The following ALDH16A1 variants were observed in gnomAD, a reference collection of about 807,000 sequenced individuals.
The protein encoded by ALDH16A1 is aldehyde dehydrogenase 16 family member A1.
A neutral mutation model predicts 96.1 loss-of-function variants in ALDH16A1; 88 were observed. The ratio of observed to expected loss-of-function variants is 0.92; its 90% CI spans 0.77 to 1.09. The LOEUF is 1.09. Ranked by LOEUF, ALDH16A1 falls within the 50% of genes least tolerant of loss-of-function variation. ALDH16A1 has a pLI of 0.00. For synonymous variants in ALDH16A1, 522 were observed against 496.4 expected (o/e 1.05, Z -0.69); for missense variants, 1,250 against 1,112.6 (o/e 1.12, Z -1.76).
At chr19:49,460,778 C>T (rs746020604) in intron 4 of ALDH16A1, 44 bp from the exon 5 acceptor site, 2 of 1,386,414 alleles carry the variant, frequency 1.4e-6, no homozygotes, top group Non-Finnish European at 2.0e-6. Context: ...TGGACTTAAA[C>T]ACCTAGCCTC....
In ALDH16A1 at chr19:49,462,018, C is replaced by A. The variant is rs1316844230; in HGVS notation, c.894C>A (p.Ala298=). ...DSAVEGVVDA[A]WSDRGPGGLR... is the part of the protein sequence containing the mutation. ...CCGTGGAGGGTGTCGTGGACGCCGC[C>A]TGGTCCGACCGCGGCCCGGTGAGAC... Residue 298 remains alanine (A), a synonymous_variant, in exon 7 of 17, where the codon GCC becomes GCA. Transcript: ENST00000293350. 9 of 1,542,490 alleles carry A rather than the reference C, an allele frequency of 5.8e-6. No homozygotes were observed. Among genetic ancestry groups the A allele is most frequent in the Non-Finnish European group, 7.0e-6 (8 of 1,148,258 alleles).
At chr19:49,460,339 A>C (rs2079131200) in intron 4 of ALDH16A1, among the ~76,000 whole-genome samples, 1 of 151,770 alleles carries the variant, frequency 6.6e-6, no homozygotes, top group African/African-American at 2.4e-5. Context: ...TCCTGGGCTC[A>C]AAATCCTCCC....
chr19:49,457,305 T>C (rs1174978371), intron 1 of ALDH16A1, among the ~76,000 whole-genome samples: 1 of 151,854 alleles, frequency 6.6e-6, no homozygotes, highest in Non-Finnish European at 1.5e-5. Flanking sequence ...CTCAGCACTT[T>C]GGGAGGCCGA....
chr19:49,457,319 G>A (rs1227480999), intron 1 of ALDH16A1, among the ~76,000 whole-genome samples: 4 of 151,852 alleles, frequency 2.6e-5, no homozygotes, highest in Non-Finnish European at 4.4e-5. Flanking sequence ...AGGCCGAGGC[G>A]GGCGGATCAC....
intron 13 of ALDH16A1, 50 bp from the exon 14 acceptor site, chr19:49,466,032 G>A (rs770148509): frequency 6.5e-7 from 1 of 1,537,732 alleles, no homozygotes; most frequent in Non-Finnish European, 8.7e-7. Flanking sequence ...GGGGTGTCAG[G>A]AGAGCCAAGA....
chr19:49,470,436 C>A lies in ALDH16A1; in HGVS notation c.2378C>A (p.Thr793Asn). The change falls in exon 17 of 17, where the codon ACC becomes AAC. Residue 793 changes from threonine (T) to asparagine (N), a missense_variant. By Grantham distance (65) the Thr-to-Asn change is moderately conservative (BLOSUM62 0). Transcript: ENST00000293350. ...GAGCTGGGGCTGCGAGTGGCGCGGA[C>A]CAAGGCCCTGTGGCTGCCTATGGGG... is the stretch of plus-strand genomic sequence containing the variant. The part of the protein sequence containing the change: ...GPELGLRVAR[T>N]KALWLPMGD The A allele has an allele frequency of 6.2e-7, 1 of 1,603,258 alleles. No homozygotes were observed. The highest frequency in any genetic ancestry group is 1.1e-5 in the South Asian group (1 of 90,244).
rs370048585 is a variant in ALDH16A1, at chr19:49,461,199, C to G, written c.577+300C>G. 1.4e-3 allele frequency among the ~76,000 whole-genome samples: 155 copies of G among 110,464 alleles called. 25 individuals carry two copies. Among genetic ancestry groups the G allele is most frequent in the East Asian group, 3.3e-3 (12 of 3,646 alleles). The allele number at this position is 110,464 out of a possible 152,430, so 72.5% of individuals were successfully genotyped here. A position where few individuals can be genotyped will look rare whatever the true frequency, so the allele number is the denominator to read the frequency against. On this transcript the variant is annotated intron_variant, in intron 5 of 16. Coordinates refer to ENST00000293350, the MANE Select transcript of ALDH16A1 (RefSeq NM_153329.4). ...GGGGCTGGGGTCTGGATTCCTGGGT[C>G]TGAGGGAGGAGGGGCTGGGGTCTGG...
Position 49,460,899 on chromosome 19 carries a change from G to A in ALDH16A1, c.577G>A (p.Gly193Ser), listed in dbSNP as rs1490480588. Residue 193 changes from glycine to serine, a missense_variant and splice_region_variant, in exon 5 of 17, where the codon GGC (glycine) becomes AGC (serine). By Grantham distance (56) the Gly-to-Ser change is moderately conservative. Coordinates refer to ENST00000293350, the MANE Select transcript of ALDH16A1 (RefSeq NM_153329.4). ...GAGGATTTGCCCTGCCCTGGCTGTGGGTAAATGATGGCCTGGGGGGTCCTG... is the reference window on the plus strand; with the variant it reads ...GAGGATTTGCCCTGCCCTGGCTGTGAGTAAATGATGGCCTGGGGGGTCCTG... ...MWRICPALAV[G>S]CTVVALVPPA... is the part of the protein sequence containing the mutation. The A allele has an allele frequency of 1.9e-6, 3 of 1,612,936 alleles. No homozygotes were observed. Among genetic ancestry groups the A allele is most frequent in the South Asian group, 2.2e-5 (2 of 91,042 alleles).
At chr19:49,461,025 A>G in intron 5 of ALDH16A1, 126 bp downstream of exon 5, 1 of 1,046,138 alleles carries the variant, frequency 9.6e-7, no homozygotes, top group Non-Finnish European at 1.5e-6. Flanking sequence ...AGTCTGTGGG[A>G]GGAGGGGCTG....
chr19:49,462,584 C>T lies in ALDH16A1; in HGVS notation c.927C>T (p.Leu309=), dbSNP rs1197999418. 4 of 1,612,954 alleles carry T rather than the reference C, an allele frequency of 2.5e-6. No individual in the cohort carries two copies. Among genetic ancestry groups the T allele is most frequent in the African/African-American group, 1.3e-5 (1 of 75,018 alleles). Reference sequence around the variant, plus strand: ...TTTCCTCACAGGGTGGCCTCAGGCTCCTCATCCAGGAGTCTGTGTGGGATG... The same window carrying T: ...TTTCCTCACAGGGTGGCCTCAGGCTTCTCATCCAGGAGTCTGTGTGGGATG... ...WSDRGPGGLR[L]LIQESVWDEA... Residue 309 remains leucine, a synonymous_variant, in exon 8 of 17, where the codon CTC becomes CTT. Transcript: ENST00000293350.
chr19:49,466,183 A>C lies in ALDH16A1; in HGVS notation c.1838A>C (p.Gln613Pro), dbSNP rs1453510105. 6.4e-7 allele frequency: 1 copy of C among 1,555,446 alleles called. No individual in the cohort carries two copies. Among genetic ancestry groups the C allele is most frequent in the Admixed American group, 2.0e-5 (1 of 50,344 alleles). The change falls in exon 14 of 17, where the codon CAG becomes CCG. Residue 613 changes from glutamine to proline, a missense_variant. Transcript: ENST00000293350. ...ACCCTGGCCTCGAGGCTGGAGAGGC[A>C]GGGAGCGGAGCTCAAGGCTGCGGAG... ...KSTLASRLER[Q>P]GAELKAAEAE...
rs2079118761 is a variant in ALDH16A1, at chr19:49,458,580, C to T, written c.185C>T (p.Pro62Leu). The change falls in exon 2 of 17, where the codon CCC (proline) becomes CTC (leucine). Residue 62 changes from proline to leucine, a missense_variant. Pro to Leu is a moderately conservative substitution (Grantham distance 98, BLOSUM62 -3). Transcript: ENST00000293350. ...EHRNSVPCQDPITGENLASCL... is the reference protein window; with the variant it reads ...EHRNSVPCQDLITGENLASCL... ...AGAAATTCAGTGCCTTGCCAGGATC[C>T]CATCACAGGTACGAGATGTCCCCCA... 1 of 1,558,690 alleles carries T rather than the reference C, an allele frequency of 6.4e-7. No homozygotes were observed. The highest frequency in any genetic ancestry group is 2.4e-5 in the East Asian group (1 of 42,042).
chr19:49,464,333 T>G (rs2079179594), intron 10 of ALDH16A1, 70 bp downstream of exon 10: 2 of 1,579,668 alleles, frequency 1.3e-6, no homozygotes, highest in Non-Finnish European at 1.7e-6. Context: ...TCTCCCTGGG[T>G]CGCTCCCCGC....
Position 49,465,745 on chromosome 19 carries a change from C to A in ALDH16A1, c.1576C>A (p.Pro526Thr), listed in dbSNP as rs575533058. ...TGTCCCACCCTACTCCAGCCCAGCACCCCCCTATGGGCTCTTCGTTGGGGG... is the reference window on the plus strand; with the variant it reads ...TGTCCCACCCTACTCCAGCCCAGCAACCCCCTATGGGCTCTTCGTTGGGGG... ...AGPEIGPSPA[P>T]PYGLFVGGRF... is the part of the protein sequence containing the mutation. Residue 526 changes from proline to threonine, a missense_variant, in exon 13 of 17, where the codon CCC (proline) becomes ACC (threonine). By Grantham distance (38) the Pro-to-Thr change is conservative (BLOSUM62 -1). Transcript: ENST00000293350. 2.5e-6 allele frequency: 4 copies of A among 1,612,454 alleles called. No homozygotes were observed. The highest frequency in any genetic ancestry group is 1.7e-5 in the Admixed American group (1 of 59,886).
rs925128429 is a variant in ALDH16A1 at position 49,459,466 on chromosome 19, G to C, written c.321-204G>C. On this transcript the variant is annotated intron_variant, in intron 3 of 16. Transcript: ENST00000293350. This position sits in a 1 kb window ranked among gnomAD's most constrained non-coding sequence, Gnocchi z 4.1. ...CCCAAAAGCTTCAGGGATTTCCGGC[G>C]GCCAAGACCTTTACACAGCATCCTC... 6.6e-6 allele frequency among the ~76,000 whole-genome samples: 1 copy of C among 152,106 alleles called. No homozygotes were observed. Among genetic ancestry groups the C allele is most frequent in the African/African-American group, 2.4e-5 (1 of 41,392 alleles).
intron 14 of ALDH16A1, among the ~76,000 whole-genome samples, chr19:49,466,841 CAG>C (rs2079203376): frequency 6.6e-6 from 1 of 151,520 alleles, no homozygotes; most frequent in Non-Finnish European, 1.5e-5. Flanking sequence ...GCCTGAGTGA[CAG>C]AGTGAGACCT....
rs1295499737 is a variant in ALDH16A1 at position 49,464,402 on chromosome 19, T to C, written c.1332-15T>C. 1.3e-6 allele frequency: 2 copies of C among 1,589,026 alleles called. No homozygotes were observed. The highest frequency in any genetic ancestry group is 1.7e-6 in the Non-Finnish European group (2 of 1,167,260). ...GTCTGTTTTCCTCTGTTGGACACCTTCATCTTCCCCACAGGCTCCAGGTGG... is the reference window on the plus strand; with the variant it reads ...GTCTGTTTTCCTCTGTTGGACACCTCCATCTTCCCCACAGGCTCCAGGTGG... On this transcript the variant is annotated splice_polypyrimidine_tract_variant and intron_variant, in intron 10 of 16. Coordinates refer to ENST00000293350, the MANE Select transcript of ALDH16A1 (RefSeq NM_153329.4).
In ALDH16A1 at chr19:49,454,031, G is replaced by GTTTTTTTT. The variant is rs3033555; in HGVS notation, c.90+614_90+621dup. Among the ~76,000 whole-genome samples, 497 of 135,172 alleles carry GTTTTTTTT rather than the reference G, an allele frequency of 3.7e-3. 23 individuals are homozygous for GTTTTTTTT. The highest frequency in any genetic ancestry group is 6.1e-3 in the South Asian group (26 of 4,282). 88.7% of individuals were successfully genotyped at this position (135,172 alleles called of 152,430 possible). A position where few individuals can be genotyped will look rare whatever the true frequency, so the allele number is the denominator to read the frequency against. ...CCGGTTTGGGTTGGGTTTTTTTTTT[G>GTTTTTTTT]TTTTTTTTTTTGAGCCAGGGTCTCA... On this transcript the variant is annotated intron_variant, in intron 1 of 16. Transcript: ENST00000293350.
chr19:49,455,416 CAAAAAAAAAAAAA>C (rs10530269), intron 1 of ALDH16A1, among the ~76,000 whole-genome samples: 104,956 of 136,798 alleles, frequency 0.77, 38,029 homozygotes, highest in Middle Eastern at 0.85. Flanking sequence ...AACTCCATCT[CAAAAAAAAAAAAA>C]AAAAAAAAAG....
Sources: allele counts gnomAD v4.1 joint callset (sites outside exome capture counted in the v4.1 genomes callset), GRCh38; gene constraint gnomAD v4.1.1; non-coding constraint Gnocchi (gnomAD v3.1); transcripts MANE v1.5; gene names NCBI Gene and HGNC (gene_info 2026-07-23, HGNC 2026-07-21).